Variants in TMEFF2 observed in about 807,000 individuals in gnomAD.
TMEFF2 encodes transmembrane protein with EGF like and two follistatin like domains 2, also known as tomoregulin-2.
In TMEFF2, 28 loss-of-function variants were observed where a neutral mutation model predicts 53.8. That is an observed-to-expected ratio of 0.52 (90% CI 0.39 to 0.71). The LOEUF (loss-of-function observed/expected upper bound fraction) is 0.71, where lower values mean the gene tolerates loss of function less well. TMEFF2 is among the 30% of genes least tolerant of loss of function. The pLI is 0.00. For missense variants in TMEFF2, 353 were observed against 455.2 expected, an observed-to-expected ratio of 0.78 and a Z score of 2.04; for synonymous variants, 162 against 166.3, an observed-to-expected ratio of 0.97 and a Z score of 0.20.
intron 4 of TMEFF2, among the ~76,000 whole-genome samples, chr2:192,173,408 C>A (rs1403653321): frequency 6.6e-6 from 1 of 151,650 alleles, no homozygotes; most frequent in Non-Finnish European, 1.5e-5. Flanking sequence ...TGACATCAAG[C>A]AGAATTGTAA....
At chr2:192,154,504 C>G (rs1399164037) in intron 4 of TMEFF2, among the ~76,000 whole-genome samples, 1 of 151,994 alleles carries the variant, frequency 6.6e-6, no homozygotes, top group African/African-American at 2.4e-5. Context: ...TATTTAGAAA[C>G]TACTTTGGTG....
chr2:191,983,827 A>G (rs1685912614), intron 7 of TMEFF2, among the ~76,000 whole-genome samples: 1 of 152,210 alleles, frequency 6.6e-6, no homozygotes, highest in Non-Finnish European at 1.5e-5. Flanking sequence ...TATTCATTTC[A>G]AGTTTTTAGA....
intron 4 of TMEFF2, among the ~76,000 whole-genome samples, chr2:192,081,536 T>G (rs1688551896): frequency 6.6e-6 from 1 of 152,200 alleles, no homozygotes; most frequent in Non-Finnish European, 1.5e-5. Context: ...TGCTTTTCTT[T>G]CCATAGAATC....
chr2:191,973,876 T>C (rs1215178104), intron 7 of TMEFF2, among the ~76,000 whole-genome samples: 1 of 152,138 alleles, frequency 6.6e-6, no homozygotes, highest in Non-Finnish European at 1.5e-5. Context: ...ACTCTGCACT[T>C]CTCCTTGCTG....
chr2:191,998,976 G>C, intron 6 of TMEFF2, 84 bp downstream of exon 6: 1 of 1,369,638 alleles, frequency 7.3e-7, no homozygotes, highest in South Asian at 1.4e-5. Context: ...TGGAATAGCT[G>C]CCTAATAAGG....
intron 4 of TMEFF2, among the ~76,000 whole-genome samples, chr2:192,101,879 C>A (rs1689038886): frequency 6.6e-6 from 1 of 152,134 alleles, no homozygotes; most frequent in Admixed American, 6.6e-5. Context: ...ATGATGTTAA[C>A]TCCGGTGACG....
chr2:192,184,408 C>T lies in TMEFF2; in HGVS notation c.358G>A (p.Ala120Thr). The T allele has an allele frequency of 6.2e-7, 1 of 1,613,404 alleles. No individual in the cohort carries two copies. The highest frequency in any genetic ancestry group is 8.5e-7 in the Non-Finnish European group (1 of 1,179,548). Residue 120 changes from alanine to threonine, a missense_variant, in exon 3 of 10, where the codon GCA becomes ACA. By Grantham distance (58) the Ala-to-Thr change is moderately conservative. Transcript: ENST00000272771. Reference protein sequence around the residue: ...YQNECYLRQAACKQQSEILVV... With the variant: ...YQNECYLRQATCKQQSEILVV... ...AGTATCTCACTCTGCTGTTTGCATG[C>T]AGCCTGTCGCAGGTAACACTCATTC...
intron 4 of TMEFF2, among the ~76,000 whole-genome samples, chr2:192,121,307 G>C (rs10164776): frequency 6.6e-6 from 1 of 151,878 alleles, no homozygotes; most frequent in Non-Finnish European, 1.5e-5. Flanking sequence ...ATCTGGTCTC[G>C]GTCATAACAA....
rs74332828 is a variant in TMEFF2, at chr2:192,027,880, C to T, written c.537-28672G>A. 1,193 of 152,334 alleles carry T rather than the reference C, an allele frequency of 7.8e-3. 17 individuals carry two copies. Among genetic ancestry groups the T allele is most frequent in the East Asian group, 0.031 (162 of 5,164 alleles). The allele number at this position is 152,334 out of a possible 1,614,324, so 9.4% of individuals were successfully genotyped here. A position where few individuals can be genotyped will look rare whatever the true frequency, so the allele number is the denominator to read the frequency against. On this transcript the variant is annotated intron_variant, in intron 5 of 9. Transcript: ENST00000272771. ...CCACCTTGTTCACATAGATGGTTCT[C>T]AGTGCCTCATGAGCGCAGGATTCTG...
intron 4 of TMEFF2, among the ~76,000 whole-genome samples, chr2:192,159,041 G>C (rs4392190): frequency 1.3e-5 from 2 of 151,882 alleles, no homozygotes; most frequent in Admixed American, 6.6e-5. Flanking sequence ...CAAAGGACTA[G>C]AAACTCCTCC....
intron 8 of TMEFF2, among the ~76,000 whole-genome samples, chr2:191,955,344 C>T (rs866409700): frequency 6.6e-6 from 1 of 150,682 alleles, no homozygotes; most frequent in African/African-American, 2.4e-5. Context: ...TATTTAAATA[C>T]ATATATATTA....
chr2:192,106,710 T>C (rs757492126), intron 4 of TMEFF2, among the ~76,000 whole-genome samples: 10 of 151,832 alleles, frequency 6.6e-5, no homozygotes, highest in Non-Finnish European at 1.0e-4. Flanking sequence ...TTTTGGTAAG[T>C]TCCAAGATGA....
intron 4 of TMEFF2, among the ~76,000 whole-genome samples, chr2:192,082,770 T>A (rs1009172447): frequency 6.7e-6 from 1 of 148,674 alleles, no homozygotes. Context: ...TTCCCCAAAC[T>A]GTTATTCCTA....
intron 4 of TMEFF2, among the ~76,000 whole-genome samples, chr2:192,103,457 T>C (rs1474632914): frequency 1.3e-5 from 2 of 152,122 alleles, no homozygotes; most frequent in African/African-American, 4.8e-5. Flanking sequence ...TTAGAATAAT[T>C]GGTCTTTGTC....
intron 4 of TMEFF2, among the ~76,000 whole-genome samples, chr2:192,150,899 A>G (rs949017944): frequency 5.9e-5 from 9 of 151,774 alleles, no homozygotes; most frequent in African/African-American, 1.9e-4. Context: ...TTTCTCCCTT[A>G]GAAAGGATTC....
chr2:191,983,744 T>G (rs1316868111), intron 7 of TMEFF2, among the ~76,000 whole-genome samples: 4 of 152,160 alleles, frequency 2.6e-5, no homozygotes, highest in African/African-American at 7.2e-5. Flanking sequence ...GAATGAATAT[T>G]AAGAACCACT....
chr2:191,991,399 G>T (rs1379080479), intron 7 of TMEFF2, among the ~76,000 whole-genome samples: 1 of 152,036 alleles, frequency 6.6e-6, no homozygotes, highest in Non-Finnish European at 1.5e-5. Context: ...TCAATTTTCA[G>T]ACCAAAAGGA....
intron 4 of TMEFF2, among the ~76,000 whole-genome samples, chr2:192,067,212 G>A (rs535128996): frequency 2.0e-5 from 3 of 151,952 alleles, no homozygotes; most frequent in South Asian, 2.1e-4. Context: ...AGGAATCATA[G>A]AGCATAGAGG....
Position 191,999,150 on chromosome 2 carries a change from C to G in TMEFF2, c.595G>C (p.Gly199Arg), listed in dbSNP as rs778109157. ...TNFNPLCASDGKSYDNACQIK... is the reference protein window; with the variant it reads ...TNFNPLCASDRKSYDNACQIK... ...TGGCATGCATTATCATAAGATTTCC[C>G]ATCAGAAGCGCAGAGGGGATTGAAG... Residue 199 changes from glycine (G) to arginine (R), a missense_variant, in exon 6 of 10, where the codon GGG becomes CGG. Around this residue, in one of 3 missense-constraint regions of TMEFF2, gnomAD observed 294 missense variants for 397.3 expected, o/e 0.74. Coordinates refer to ENST00000272771, the MANE Select transcript of TMEFF2 (RefSeq NM_016192.4). The G allele has an allele frequency of 6.2e-7, 1 of 1,612,230 alleles. No individual in the cohort carries two copies. Among genetic ancestry groups the G allele is most frequent in the African/African-American group, 1.3e-5 (1 of 74,828 alleles).
Sources: gnomAD v4.1 joint callset for allele counts (sites outside exome capture counted in the v4.1 genomes callset) on GRCh38, gnomAD v4.1.1 for gene constraint, gnomAD v4.1.1 regional missense constraint, MANE v1.5 for transcripts, NCBI Gene and HGNC (gene_info 2026-07-23, HGNC 2026-07-21) for gene names.